SYNPO: variants seen among roughly 807,000 people sequenced by gnomAD.
The protein encoded by SYNPO is synaptopodin.
SYNPO carries 19 observed loss-of-function variants against 49.5 expected under a neutral mutation model. That is an observed-to-expected ratio of 0.38 (90% confidence interval 0.27 to 0.56). SYNPO has a LOEUF of 0.56. SYNPO is among the 20% of genes least tolerant of loss of function. The pLI, the probability that SYNPO is intolerant of heterozygous loss-of-function variation, is 0.68. For missense variants in SYNPO, 1,131 were observed against 1,248.3 expected, an observed-to-expected ratio of 0.91 and a Z score of 1.42; for synonymous variants, 536 against 548.0, an observed-to-expected ratio of 0.98 and a Z score of 0.31.
chr5:150,587,109 T>C, the SYNPO span, among the ~76,000 whole-genome samples: 1 of 152,116 alleles, frequency 6.6e-6, no homozygotes, highest in Non-Finnish European at 1.5e-5. Context: ...CATGGATGTA[T>C]ATATGGATGC....
the SYNPO span, among the ~76,000 whole-genome samples, chr5:150,590,589 A>T: frequency 6.6e-6 from 1 of 152,206 alleles, no homozygotes; most frequent in Non-Finnish European, 1.5e-5. Flanking sequence ...GATACTGTGC[A>T]TCTGAGGGTG....
intron 2 of SYNPO, among the ~76,000 whole-genome samples, chr5:150,620,945 CTTTT>C (rs1561639889): frequency 3.1e-5 from 2 of 64,800 alleles, no homozygotes; most frequent in African/African-American, 1.2e-4. Flanking sequence ...TTCTTTCTTT[CTTTT>C]CTTTTCTTTT....
intron 1 of SYNPO, among the ~76,000 whole-genome samples, chr5:150,605,687 T>G (rs904552895): frequency 2.0e-5 from 3 of 151,956 alleles, no homozygotes; most frequent in Non-Finnish European, 2.9e-5. Flanking sequence ...TTGGTCTGGC[T>G]GGACCACCTC....
chr5:150,644,097 C>T (rs926687122), intron 1 of SYNPO, among the ~76,000 whole-genome samples: 11 of 151,394 alleles, frequency 7.3e-5, no homozygotes, highest in Admixed American at 2.0e-4. Flanking sequence ...ATTACTTGAT[C>T]CTGGAAGGTT....
At chr5:150,594,648 A>G in the SYNPO span, among the ~76,000 whole-genome samples, 2 of 152,334 alleles carry the variant, frequency 1.3e-5, no homozygotes, top group Admixed American at 1.3e-4. Context: ...TCACATTTGC[A>G]GACTACAAGT....
At chr5:150,588,528 G>T in the SYNPO span, among the ~76,000 whole-genome samples, 1 of 152,184 alleles carries the variant, frequency 6.6e-6, no homozygotes, top group Non-Finnish European at 1.5e-5. Flanking sequence ...AGCCATGGAA[G>T]AAAGTAGGTC....
chr5:150,617,094 T>G lies in SYNPO; in HGVS notation c.-265-1009T>G, dbSNP rs1421162907. The stretch of plus-strand genomic sequence containing the variant: ...ATGTATTAAGGTATGGCTTAGAAAC[T>G]GTGCTGAGTCCTCTGCGTGCATTTT... On this transcript the variant is annotated intron_variant, in intron 1 of 2. Transcript: ENST00000394243. 5.9e-5 allele frequency among the ~76,000 whole-genome samples: 9 copies of G among 152,320 alleles called. No individual in the cohort carries two copies. In the South Asian group the frequency reaches 1.9e-3, roughly 32 times the overall value.
In SYNPO at chr5:150,648,120, G is replaced by A. The variant is rs1758174779; in HGVS notation, c.-156G>A. 1.9e-6 allele frequency: 3 copies of A among 1,552,066 alleles called. No homozygotes were observed. Among genetic ancestry groups the A allele is most frequent in the South Asian group, 1.2e-5 (1 of 84,164 alleles). ...CACCTTGGAGAGCCACGGCCAGAGG[G>A]GACAGAAGCCCAGCCAGGAGTCCCT... is the stretch of plus-strand genomic sequence containing the variant. On this transcript the variant is annotated 5_prime_UTR_variant, in exon 2 of 3. Coordinates refer to ENST00000307662, the MANE Select transcript of SYNPO (RefSeq NM_007286.6). This position sits in a 1 kb window ranked among gnomAD's most constrained non-coding sequence, Gnocchi z 5.0.
rs754866434 is a variant in SYNPO, at chr5:150,656,715, G to A, written c.2340G>A (p.Pro780=). ...CGCGGTCGGCGGGCGCCGAGAACCC[G>A]CGGCCCTTCTCCCCGCCGAGGGCGC... The part of the protein sequence containing the change: ...ASPRSAGAEN[P]RPFSPPRAPP... Residue 780 remains proline (P), a synonymous_variant, in exon 3 of 3, where the codon CCG becomes CCA. Transcript: ENST00000307662. The A allele has an allele frequency of 3.5e-6, 5 of 1,414,574 alleles. No individual in the cohort carries two copies. The African/African-American group carries it at 6.0e-5, about 17-fold the overall frequency. 87.6% of individuals were successfully genotyped at this position (1,414,574 alleles called of 1,614,324 possible). A position where few individuals can be genotyped will look rare whatever the true frequency, so the allele number is the denominator to read the frequency against.
chr5:150,650,662 C>T, intron 2 of SYNPO: 1 of 1,423,162 alleles, frequency 7.0e-7, no homozygotes, highest in Non-Finnish European at 9.2e-7. Flanking sequence ...GAGTCTGATG[C>T]CAGCGTCTTG....
At chr5:150,650,385 G>A (rs1374896474) in intron 2 of SYNPO, 82 bp downstream of exon 2, 48 of 1,584,578 alleles carry the variant, frequency 3.0e-5, no homozygotes, top group Non-Finnish European at 3.7e-5. Flanking sequence ...TTGAGGGCCA[G>A]ATGGAGAGCA....
rs539113197 is a variant in SYNPO at position 150,620,359 on chromosome 5, C to G, written c.400+1592C>G. Among the ~76,000 whole-genome samples the G allele has an allele frequency of 3.3e-5, 5 of 152,352 alleles. No individual in the cohort carries two copies. The South Asian group carries it at 1.0e-3, about 32-fold the overall frequency. On this transcript the variant is annotated intron_variant, in intron 2 of 2. Transcript: ENST00000394243. ...GTTAGAAGCCTTTATGTGCTAAGCC[C>G]TGTGCCAAGAGCTTTACCCTTTTCA...
At chr5:150,594,277 A>G in the SYNPO span, among the ~76,000 whole-genome samples, 1 of 152,148 alleles carries the variant, frequency 6.6e-6, no homozygotes, top group Non-Finnish European at 1.5e-5. Context: ...TCTTTAGGGA[A>G]CAAAAACTTG....
chr5:150,618,215 A>G (rs998325723), exon 2 of SYNPO: 2 of 949,246 alleles, frequency 2.1e-6, no homozygotes, highest in African/African-American at 3.3e-5. Context: ...CCTCACCCCA[A>G]TTCTGTGAAT....
At chr5:150,627,606 A>G (rs1487484816) in intron 2 of SYNPO, among the ~76,000 whole-genome samples, 4 of 152,252 alleles carry the variant, frequency 2.6e-5, no homozygotes, top group Non-Finnish European at 5.9e-5. Flanking sequence ...TAAAAGTGCC[A>G]TAAAAAAATA....
chr5:150,648,130 C>T lies in SYNPO; in HGVS notation c.-146C>T, dbSNP rs1190527954. 20 of 1,552,166 alleles carry T rather than the reference C, an allele frequency of 1.3e-5. No homozygotes were observed. On this transcript the variant is annotated 5_prime_UTR_variant, in exon 2 of 3. Transcript: ENST00000307662. The surrounding 1 kb of genome is among the most constrained non-coding windows in gnomAD (Gnocchi z 5.0). ...AGCCACGGCCAGAGGGGACAGAAGC[C>T]CAGCCAGGAGTCCCTCAGAGTGCTC...
chr5:150,648,544 A>G lies in SYNPO; in HGVS notation c.269A>G (p.Asn90Ser), dbSNP rs767996337. ...ACACCAACTTCTAACAGCAGCCACA[A>G]TCCGCCAGCCACCGATGTCAATCAG... is the stretch of plus-strand genomic sequence containing the variant. ...LTTPTSNSSH[N>S]PPATDVNQNP... The change falls in exon 2 of 3, where the codon AAT becomes AGT. Residue 90 changes from asparagine (N) to serine (S), a missense_variant. By Grantham distance (46) the Asn-to-Ser change is conservative (BLOSUM62 1). Coordinates refer to ENST00000307662, the MANE Select transcript of SYNPO (RefSeq NM_007286.6). This position sits in a 1 kb window ranked among gnomAD's most constrained non-coding sequence, Gnocchi z 5.0. The G allele has an allele frequency of 9.3e-6, 15 of 1,614,112 alleles. No individual in the cohort carries two copies. Among genetic ancestry groups the G allele is most frequent in the Non-Finnish European group, 1.3e-5 (15 of 1,180,014 alleles).
intron 2 of SYNPO, among the ~76,000 whole-genome samples, chr5:150,619,029 G>C (rs1436819636): frequency 6.7e-6 from 1 of 149,496 alleles, no homozygotes; most frequent in African/African-American, 2.5e-5. Context: ...ACATTATCTT[G>C]CTTGGCTAAA....
chr5:150,618,772 G>A, intron 2 of SYNPO: 3 of 1,551,142 alleles, frequency 1.9e-6, no homozygotes, highest in South Asian at 1.2e-5. Flanking sequence ...AACCAGGTAA[G>A]CTTGTGTTCC....
Sources: gnomAD v4.1 joint callset for allele counts (sites outside exome capture counted in the v4.1 genomes callset) on GRCh38, gnomAD v4.1.1 for gene constraint, Gnocchi (gnomAD v3.1) non-coding constraint, MANE v1.5 for transcripts, NCBI Gene and HGNC (gene_info 2026-07-23, HGNC 2026-07-21) for gene names.